The following MMS19 variants were observed in gnomAD, a reference collection of about 807,000 sequenced individuals.
The protein encoded by MMS19 is MMS19 nucleotide excision repair protein homolog.
MMS19 carries 77 observed loss-of-function variants against 129.8 expected under a neutral mutation model. The observed-to-expected ratio is 0.59, with a 90% CI of 0.49 to 0.72. The LOEUF (loss-of-function observed/expected upper bound fraction) is 0.72, where lower values mean the gene tolerates loss of function less well. Among genes scored for constraint, MMS19 ranks in the 30% least tolerant of loss-of-function variants. The probability of loss-of-function intolerance (pLI) is 0.00; values close to 1 mark genes in which losing one functional copy is unlikely to be tolerated. For missense variants in MMS19, 1,168 were observed against 1,266.3 expected (o/e 0.92, Z 1.18); for synonymous variants, 491 against 502.8 (o/e 0.98, Z 0.31).
At chr10:97,465,978 G>A in intron 17 of MMS19, 24 bp from the exon 18 acceptor site, 1 of 1,613,390 alleles carries the variant, frequency 6.2e-7, no homozygotes, top group East Asian at 2.2e-5. Context: ...ATGAGACAAA[G>A]GTTTACTGTG....
Position 97,460,953 on chromosome 10 carries a change from A to T in MMS19, c.2366T>A (p.Leu789Gln), listed in dbSNP as rs2031698767. The change falls in exon 24 of 31, where the codon CTG becomes CAG. Residue 789 changes from leucine (L) to glutamine (Q), a missense_variant. By Grantham distance (113) the Leu-to-Gln change is moderately radical. Transcript: ENST00000438925. ...QLAVDKVEAG[L>Q]GSGPCRSQAF... The stretch of plus-strand genomic sequence containing the variant: ...CTGACTACGACAGGGCCCAGAGCCC[A>T]GGCCAGCCTCCACTTTGTCCACAGC... The T allele has an allele frequency of 3.2e-6, 5 of 1,578,534 alleles. No homozygotes were observed. The highest frequency in any genetic ancestry group is 4.3e-6 in the Non-Finnish European group (5 of 1,161,710).
chr10:97,461,933 A>AATAAG (rs576455702), intron 21 of MMS19, 37 bp from the exon 22 acceptor site: 1,558 of 1,582,370 alleles, frequency 9.8e-4, no homozygotes, highest in Non-Finnish European at 1.2e-3. Flanking sequence ...GCCTGCCAGC[A>AATAAG]ATAAGCTTGT....
rs977939092 is a variant in MMS19, at chr10:97,471,328, T to A, written c.685-467A>T. ...CATTTTGTGGTTGTACCAGTTTATC[T>A]AGATAATTCCTTGTTGATGGACATT... On this transcript the variant is annotated intron_variant, in intron 8 of 30. Transcript: ENST00000438925. 7.9e-5 allele frequency among the ~76,000 whole-genome samples: 12 copies of A among 152,288 alleles called. No homozygotes were observed. The Middle Eastern group carries it at 0.024, about 302-fold the overall frequency.
intron 1 of MMS19, among the ~76,000 whole-genome samples, chr10:97,496,698 A>C (rs1253173330): frequency 6.6e-6 from 1 of 152,156 alleles, no homozygotes; most frequent in Admixed American, 6.5e-5. Flanking sequence ...GTAATGTTCT[A>C]TATCTTCGTA....
In MMS19 at chr10:97,478,227, A is replaced by G; in HGVS notation, c.348+77T>C. On this transcript the variant is annotated intron_variant, in intron 4 of 30. Coordinates refer to ENST00000438925, the MANE Select transcript of MMS19 (RefSeq NM_022362.5). ...CCTGCTCCTCAGCATGTGAACCATC[A>G]CACCCAAAGCGCAAGGAGAGAACTA... 4.2e-6 allele frequency: 5 copies of G among 1,181,968 alleles called. No homozygotes were observed. The East Asian group carries it at 1.3e-4, about 30-fold the overall frequency. The allele number at this position is 1,181,968 out of a possible 1,614,324, so 73.2% of individuals were successfully genotyped here.
chr10:97,458,453 C>G lies in MMS19; in HGVS notation c.*239G>C. The stretch of plus-strand genomic sequence containing the variant: ...TTTTCTGACATATAAATGCAAGAGA[C>G]CCAGGACCCTAGATCTTTCTTCAAA... On this transcript the variant is annotated 3_prime_UTR_variant, in exon 31 of 31. Coordinates refer to ENST00000438925, the MANE Select transcript of MMS19 (RefSeq NM_022362.5). The G allele has an allele frequency of 1.1e-5, 6 of 535,942 alleles. No homozygotes were observed. The South Asian group carries it at 1.4e-4, about 12-fold the overall frequency. 33.2% of individuals were successfully genotyped at this position (535,942 alleles called of 1,614,324 possible). A position where few individuals can be genotyped will look rare whatever the true frequency, so the allele number is the denominator to read the frequency against.
intron 3 of MMS19, among the ~76,000 whole-genome samples, chr10:97,479,197 G>A (rs913031714): frequency 6.6e-6 from 1 of 152,042 alleles, no homozygotes; most frequent in Non-Finnish European, 1.5e-5. Flanking sequence ...CATGTGTGTC[G>A]GTGTCGTTTT....
At chr10:97,469,803 C>A in intron 10 of MMS19, 80 bp from the exon 11 acceptor site, 1 of 1,214,728 alleles carries the variant, frequency 8.2e-7, no homozygotes, top group East Asian at 2.3e-5. Context: ...ATAATGGCAC[C>A]TGAAGGAGCC....
chr10:97,497,430 G>GT (rs957754776), intron 1 of MMS19, among the ~76,000 whole-genome samples: 3 of 151,624 alleles, frequency 2.0e-5, no homozygotes, highest in African/African-American at 4.9e-5. Context: ...AATTTCCAAA[G>GT]TTTTTTTAAA....
chr10:97,477,213 C>G, intron 6 of MMS19, 134 bp downstream of exon 6: 1 of 1,524,938 alleles, frequency 6.6e-7, no homozygotes, highest in South Asian at 1.3e-5. Flanking sequence ...GGAGCAGACC[C>G]CCTCTTTCCC....
chr10:97,466,316 T>C (rs2033472596), intron 16 of MMS19, among the ~76,000 whole-genome samples, 157 bp from the exon 17 acceptor site: 1 of 152,214 alleles, frequency 6.6e-6, no homozygotes, highest in Non-Finnish European at 1.5e-5. Flanking sequence ...ACAGGGCTTC[T>C]TAAAGCCTAA....
At chr10:97,466,676 A>T in intron 15 of MMS19, 91 bp from the exon 16 acceptor site, 1 of 1,588,740 alleles carries the variant, frequency 6.3e-7, no homozygotes, top group Non-Finnish European at 8.6e-7. Context: ...CAAATCATCC[A>T]GAGTTGCAGT....
chr10:97,498,215 G>T, intron 1 of MMS19, 58 bp downstream of exon 1: 1 of 1,479,896 alleles, frequency 6.8e-7, no homozygotes, highest in South Asian at 1.2e-5. Flanking sequence ...CGCCTGTACT[G>T]AGGCCGCTCC....
At chr10:97,488,471 G>A (rs1158539766) in intron 1 of MMS19, among the ~76,000 whole-genome samples, 1 of 152,170 alleles carries the variant, frequency 6.6e-6, no homozygotes, top group Non-Finnish European at 1.5e-5. Context: ...GTATATACAT[G>A]AGAGACTGGC....
chr10:97,478,325 G>A lies in MMS19; in HGVS notation c.327C>T (p.Val109=). The change falls in exon 4 of 31, where the codon GTC becomes GTT. Residue 109 remains valine (V), a synonymous_variant. Coordinates refer to ENST00000438925, the MANE Select transcript of MMS19 (RefSeq NM_022362.5). ...TCACAAGTGCCTTCAAACCCTGCAG[G>A]ACAGATGGGATCACAAGATGATGGT... ...LKDHHLVIPS[V]LQGLKALSLC... 6.2e-7 allele frequency: 1 copy of A among 1,602,652 alleles called. No individual in the cohort carries two copies. The highest frequency in any genetic ancestry group is 8.5e-7 in the Non-Finnish European group (1 of 1,174,692).
At position 97,465,971 on chromosome 10, in the gene MMS19, A is replaced by T; in HGVS notation, c.1607-17T>A. On this transcript the variant is annotated splice_polypyrimidine_tract_variant and intron_variant, in intron 17 of 30. Coordinates refer to ENST00000438925, the MANE Select transcript of MMS19 (RefSeq NM_022362.5). ...TTGACTCCCCTGAAAGCAACCCATG[A>T]GACAAAGGTTTACTGTGTGATAGGA... 6.2e-7 allele frequency: 1 copy of T among 1,613,592 alleles called. No individual in the cohort carries two copies. The highest frequency in any genetic ancestry group is 2.2e-5 in the East Asian group (1 of 44,870).
At chr10:97,468,227 T>TC (rs751514597) in intron 13 of MMS19, 25 bp downstream of exon 13, 1 of 1,520,392 alleles carries the variant, frequency 6.6e-7, no homozygotes, top group Admixed American at 2.0e-5. Flanking sequence ...TCCCATCATT[T>TC]CCCCCAAAGA....
At chr10:97,498,597 G>C (rs1589858400), upstream of MMS19, 5 of 579,820 alleles carry the variant, frequency 8.6e-6, no homozygotes, top group Admixed American at 1.7e-4. Flanking sequence ...TGGGCACGCA[G>C]CCGGAGGCGA....
chr10:97,468,095 CAG>C lies in MMS19; in HGVS notation c.1218+155_1218+156del, dbSNP rs563598104. Among the ~76,000 whole-genome samples the C allele has an allele frequency of 9.9e-5, 15 of 151,976 alleles. No homozygotes were observed. The East Asian group carries it at 2.9e-3, about 29-fold the overall frequency. Reference sequence around the variant, plus strand: ...GAGAATGATCCTTTTATGTATGAGACAGGGAAAAAGTGAGTAAGGGAAGCAGC... The same window carrying C: ...GAGAATGATCCTTTTATGTATGAGACGGAAAAAGTGAGTAAGGGAAGCAGC... On this transcript the variant is annotated intron_variant, in intron 13 of 30. Coordinates refer to ENST00000438925, the MANE Select transcript of MMS19 (RefSeq NM_022362.5).
Sources: gnomAD v4.1 joint callset for allele counts (sites outside exome capture counted in the v4.1 genomes callset) on GRCh38, gnomAD v4.1.1 for gene constraint, MANE v1.5 for transcripts, NCBI Gene and HGNC (gene_info 2026-07-23, HGNC 2026-07-21) for gene names.